Variants in NPY4R2 observed in about 807,000 individuals in gnomAD.
NPY4R2 encodes the protein neuropeptide Y receptor type 4-2.
For synonymous variants in NPY4R2, 6 were observed against 115.2 expected (o/e 0.05, Z 6.07); for missense variants, 7 against 268.8 (o/e 0.03, Z 6.81).
At chr10:47,918,356 G>GGAGA (rs139901640), upstream of NPY4R2, among the ~76,000 whole-genome samples, 18 of 17,742 alleles carry the variant, frequency 1.0e-3, 4 homozygotes, top group Middle Eastern at 0.037. Context: ...GGGGAGGGAG[G>GGAGA]GAGAGAGAGA....
upstream of NPY4R2, among the ~76,000 whole-genome samples, chr10:47,914,935 C>T (rs1379867763): frequency 3.9e-5 from 6 of 152,272 alleles, no homozygotes; most frequent in Admixed American, 3.9e-4. Flanking sequence ...TCATCTTGAC[C>T]TATCTCCTTT....
In NPY4R2 at chr10:47,920,268, G is replaced by A. The variant is rs1554990593; in HGVS notation, c.-215-470G>A. Among the ~76,000 whole-genome samples, 130 of 84,280 alleles carry A rather than the reference G, an allele frequency of 1.5e-3. 1 individual carries two copies. The highest frequency in any genetic ancestry group is 6.5e-3 in the African/African-American group (100 of 15,476). The allele number at this position is 84,280 out of a possible 152,430, so 55.3% of individuals were successfully genotyped here. A position where few individuals can be genotyped will look rare whatever the true frequency, so the allele number is the denominator to read the frequency against. ...TTTTTTTTTTTTGAGACAGAGTCTC[G>A]CTCTGTTGCCCAGGCTGGAGTGCAG... On this transcript the variant is annotated intron_variant, in intron 1 of 2. Transcript: ENST00000576178.
chr10:47,916,675 G>A (rs1841669969), upstream of NPY4R2, among the ~76,000 whole-genome samples: 1 of 136,202 alleles, frequency 7.3e-6, no homozygotes, highest in Non-Finnish European at 1.7e-5. Context: ...GGAGCTGTTT[G>A]CTGCTTTTAC....
intron 1 of NPY4R2, among the ~76,000 whole-genome samples, chr10:47,920,121 C>T (rs7904070): frequency 0.017 from 450 of 26,738 alleles, no homozygotes; most frequent in Non-Finnish European, 0.023. Flanking sequence ...CCTTTTTGCC[C>T]GAAGACCATA....
At chr10:47,918,433 GA>G (rs1565913067), upstream of NPY4R2, among the ~76,000 whole-genome samples, 1 of 25,778 alleles carries the variant, frequency 3.9e-5, no homozygotes, top group East Asian at 4.2e-4. Flanking sequence ...AAGAAAGAAA[GA>G]GAGAGAGAAA....
upstream of NPY4R2, chr10:47,918,670 CGCAGGCA>C (rs1841701328): frequency 5.5e-5 from 2 of 36,170 alleles, 1 homozygote; most frequent in South Asian, 1.7e-3. Flanking sequence ...CCACTCTGCA[CGCAGGCA>C]GCATCGGGGC....
chr10:47,922,146 C>T lies in NPY4R2; in HGVS notation c.159C>T (p.Val53=), dbSNP rs1554989918. The stretch of plus-strand genomic sequence containing the variant: ...TCACTTCCTACAGCATTGAGACTGT[C>T]GTGGGGGTCCTGGGTAACCTCTGCC... Residue 53 remains valine (V), a synonymous_variant, in exon 3 of 3, where the codon GTC becomes GTT. Coordinates refer to ENST00000576178, the Ensembl canonical transcript of NPY4R2. The T allele has an allele frequency of 1.2e-5, 6 of 511,756 alleles. 2 individuals are homozygous for T. Among genetic ancestry groups the T allele is most frequent in the East Asian group, 3.4e-5 (1 of 29,720 alleles). 31.7% of individuals were successfully genotyped at this position (511,756 alleles called of 1,614,324 possible).
chr10:47,918,735 C>T (rs1840998101), upstream of NPY4R2: 1 of 30,516 alleles, frequency 3.3e-5, no homozygotes, highest in East Asian at 3.8e-4. Flanking sequence ...GCCTGGTGCC[C>T]CCTGGGCACA....
At position 47,923,043 on chromosome 10, in the gene NPY4R2, GC is replaced by G. The variant is rs1554988739; in HGVS notation, c.1060del (p.Leu354CysfsTer13). On this transcript the variant is annotated frameshift_variant, in exon 3 of 3. Transcript: ENST00000576178. LOFTEE classifies it high-confidence loss of function. The stretch of plus-strand genomic sequence containing the variant: ...CCCCCCTGGAGGAGTCAGAGCATCT[GC>G]CCCTGTCCACAGTACATACGGAAGT... 8.2e-5 allele frequency: 42 copies of G among 509,908 alleles called. No individual in the cohort carries two copies. Among genetic ancestry groups the G allele is most frequent in the Admixed American group, 3.7e-4 (9 of 24,578 alleles). 31.6% of individuals were successfully genotyped at this position (509,908 alleles called of 1,614,324 possible). A position where few individuals can be genotyped will look rare whatever the true frequency, so the allele number is the denominator to read the frequency against.
At chr10:47,916,562 C>T (rs1841667783), upstream of NPY4R2, among the ~76,000 whole-genome samples, 2 of 130,870 alleles carry the variant, frequency 1.5e-5, no homozygotes, top group Non-Finnish European at 3.6e-5. Context: ...CACTCTACTT[C>T]TTTGAGGCTC....
upstream of NPY4R2, among the ~76,000 whole-genome samples, chr10:47,918,356 GGAGAGAGAGAGAGAGA>G (rs139901640): frequency 5.6e-5 from 1 of 17,754 alleles, no homozygotes; most frequent in Non-Finnish European, 1.0e-4. Context: ...GGGGAGGGAG[GGAGAGAGAGAGAGAGA>G]GAGAGAGAGA....
upstream of NPY4R2, among the ~76,000 whole-genome samples, chr10:47,918,358 A>AGG: frequency 7.2e-5 from 1 of 13,856 alleles, no homozygotes; most frequent in Non-Finnish European, 1.3e-4. Flanking sequence ...GGAGGGAGGG[A>AGG]GAGAGAGAGA....
chr10:47,916,337 T>C (rs1452153758), upstream of NPY4R2, among the ~76,000 whole-genome samples: 11 of 131,588 alleles, frequency 8.4e-5, 1 homozygote, highest in African/African-American at 2.8e-4. Context: ...CTATGATTGG[T>C]GCAGGGCTCT....
At chr10:47,916,604 A>G (rs1589087759), upstream of NPY4R2, among the ~76,000 whole-genome samples, 2 of 133,202 alleles carry the variant, frequency 1.5e-5, no homozygotes, top group Admixed American at 7.4e-5. Context: ...GGATGATCAT[A>G]CCACACCAGT....
At chr10:47,915,080 C>T (rs1222784906), upstream of NPY4R2, among the ~76,000 whole-genome samples, 12 of 152,150 alleles carry the variant, frequency 7.9e-5, no homozygotes, top group Admixed American at 1.3e-4. Flanking sequence ...GGACAGCTTC[C>T]GGGAGCTAGC....
chr10:47,918,356 G>A (rs1211788721), upstream of NPY4R2, among the ~76,000 whole-genome samples: 9 of 17,732 alleles, frequency 5.1e-4, no homozygotes, highest in East Asian at 1.6e-3. Flanking sequence ...GGGGAGGGAG[G>A]GAGAGAGAGA....
upstream of NPY4R2, among the ~76,000 whole-genome samples, chr10:47,918,431 A>AAG (rs113496587): frequency 3.4e-3 from 106 of 31,084 alleles, 12 homozygotes; most frequent in South Asian, 5.9e-3. Context: ...GAAAGAAAGA[A>AAG]AGAGAGAGAG....
upstream of NPY4R2, among the ~76,000 whole-genome samples, chr10:47,918,438 A>G (rs1353365423): frequency 5.4e-4 from 30 of 55,578 alleles, 2 homozygotes; most frequent in Non-Finnish European, 2.7e-4. Flanking sequence ...AGAAAGAGAG[A>G]GAGAAAGACA....
upstream of NPY4R2, among the ~76,000 whole-genome samples, chr10:47,918,417 GA>G (rs1307778781): frequency 3.0e-5 from 1 of 33,808 alleles, no homozygotes. Flanking sequence ...AAGAAAGAAA[GA>G]AAGAAAGAAA....
Sources: gnomAD v4.1 joint callset for allele counts (sites outside exome capture counted in the v4.1 genomes callset) on GRCh38, gnomAD v4.1.1 for gene constraint, MANE v1.5 for transcripts, NCBI Gene and HGNC (gene_info 2026-07-23, HGNC 2026-07-21) for gene names.